The following KIF5B variants were observed in gnomAD, a reference collection of about 807,000 sequenced individuals.
KIF5B encodes kinesin-1 heavy chain.
KIF5B carries 49 observed loss-of-function variants against 132.8 expected under a neutral mutation model. The ratio of observed to expected loss-of-function variants is 0.37; its 90% CI spans 0.29 to 0.47. KIF5B has a LOEUF of 0.47. Among genes scored for constraint, KIF5B ranks in the 20% least tolerant of loss-of-function variants. KIF5B has a pLI of 1.00. For synonymous variants in KIF5B, 355 were observed against 369.4 expected, an observed-to-expected ratio of 0.96 and a Z score of 0.45; for missense variants, 780 against 1,144.0, an observed-to-expected ratio of 0.68 and a Z score of 4.59.
rs749521294 is a variant in KIF5B at position 32,031,217 on chromosome 10, T to C, written c.1437A>G (p.Ala479=). Reference sequence around the variant, plus strand: ...CTTCTTCTTTAGAGGCATCATTTTCTGCTTGAAGGCGATTCAGCTCAGCTT... The same window carrying C: ...CTTCTTCTTTAGAGGCATCATTTTCCGCTTGAAGGCGATTCAGCTCAGCTT... The part of the protein sequence containing the change: ...NMQAELNRLQ[A]ENDASKEEVK... Residue 479 remains alanine (A), a synonymous_variant, in exon 14 of 26, where the codon GCA becomes GCG. Transcript: ENST00000302418. 26 of 1,614,002 alleles carry C rather than the reference T, an allele frequency of 1.6e-5. No individual in the cohort carries two copies. The highest frequency in any genetic ancestry group is 2.0e-5 in the Non-Finnish European group (24 of 1,180,020).
intron 1 of KIF5B, among the ~76,000 whole-genome samples, chr10:32,050,792 A>C (rs1210249087): frequency 6.6e-6 from 1 of 152,208 alleles, no homozygotes; most frequent in African/African-American, 2.4e-5. Context: ...TTAACATTCA[A>C]TTCTACAGGT....
chr10:32,042,383 T>C (rs1475123126), intron 2 of KIF5B, among the ~76,000 whole-genome samples: 2 of 152,200 alleles, frequency 1.3e-5, no homozygotes, highest in Admixed American at 6.5e-5. Context: ...AATTATTTCA[T>C]GTATCACATT....
At position 32,010,194 on chromosome 10, in the gene KIF5B, G is replaced by T. The variant is rs1841056527; in HGVS notation, c.*1343C>A. On this transcript the variant is annotated 3_prime_UTR_variant, in exon 26 of 26. Coordinates refer to ENST00000302418, the MANE Select transcript of KIF5B (RefSeq NM_004521.3). The stretch of plus-strand genomic sequence containing the variant: ...TCTGTGAATTTCTGCTAACACAGTT[G>T]CAGTCACCGCCCCCCTACCACTGAT... The T allele has an allele frequency of 6.6e-6, 1 of 152,006 alleles. No homozygotes were observed. Among genetic ancestry groups the T allele is most frequent in the Non-Finnish European group, 1.5e-5 (1 of 67,970 alleles). 9.4% of individuals were successfully genotyped at this position (152,006 alleles called of 1,614,324 possible).
chr10:32,053,321 T>C (rs962395365), intron 1 of KIF5B, among the ~76,000 whole-genome samples: 20 of 152,000 alleles, frequency 1.3e-4, no homozygotes, highest in Middle Eastern at 3.4e-3. Flanking sequence ...GTCGTTACTA[T>C]ATGCAAGAAA....
At position 32,040,522 on chromosome 10, in the gene KIF5B, T is replaced by TA. The variant is rs1592450793; in HGVS notation, c.215-66dup. ...TAAGCAAGATTCCTAAGAAATTACT[T>TA]AAACTACAGGATGACAGGGTAGAGA... is the stretch of plus-strand genomic sequence containing the variant. On this transcript the variant is annotated intron_variant, in intron 2 of 25. Transcript: ENST00000302418. 47 of 893,674 alleles carry TA rather than the reference T, an allele frequency of 5.3e-5. No individual in the cohort carries two copies. In the East Asian group the frequency reaches 1.1e-3, roughly 20 times the overall value. The allele number at this position is 893,674 out of a possible 1,614,324, so 55.4% of individuals were successfully genotyped here.
At position 32,040,376 on chromosome 10, in the gene KIF5B, A is replaced by T. The variant is rs1174168488; in HGVS notation, c.288+8T>A. The T allele has an allele frequency of 6.5e-7, 1 of 1,544,296 alleles. No homozygotes were observed. Among genetic ancestry groups the T allele is most frequent in the African/African-American group, 1.4e-5 (1 of 73,472 alleles). ...AACCACATCTAAGTACAGATTATAAAACGTTACCTCCATTGTGTGTGTCTT... is the reference window on the plus strand; with the variant it reads ...AACCACATCTAAGTACAGATTATAATACGTTACCTCCATTGTGTGTGTCTT... On this transcript the variant is annotated splice_region_variant and intron_variant, in intron 3 of 25. Coordinates refer to ENST00000302418, the MANE Select transcript of KIF5B (RefSeq NM_004521.3).
In KIF5B at chr10:32,021,126, A is replaced by G. The variant is rs200095666; in HGVS notation, c.2100T>C (p.Ala700=). 403 of 1,613,308 alleles carry G rather than the reference A, an allele frequency of 2.5e-4. No homozygotes were observed. The highest frequency in any genetic ancestry group is 1.5e-3 in the Admixed American group (92 of 60,014). The change falls in exon 19 of 26, where the codon GCT becomes GCC. Residue 700 remains alanine, a synonymous_variant. Coordinates refer to ENST00000302418, the MANE Select transcript of KIF5B (RefSeq NM_004521.3). ...KVQTANEVKQ[A]VEQQIQSHRE... ...TATGGCTCTGGATCTGCTGTTCAAC[A>G]GCTTGCTAAAATTTTGGGGGGGAAA...
At chr10:32,017,033 A>C (rs1841179585) in intron 24 of KIF5B, 110 bp downstream of exon 24, 2 of 876,514 alleles carry the variant, frequency 2.3e-6, no homozygotes, top group Non-Finnish European at 3.7e-6. Context: ...CTAAGTTAGA[A>C]AATAGAGACA....
intron 2 of KIF5B, among the ~76,000 whole-genome samples, chr10:32,041,255 T>A (rs770678146): frequency 1.4e-4 from 22 of 151,796 alleles, no homozygotes; most frequent in Non-Finnish European, 2.6e-4. Flanking sequence ...ACATAAAGGA[T>A]TTATAAAGAC....
At chr10:32,014,292 G>C (rs1841127185) in intron 25 of KIF5B, among the ~76,000 whole-genome samples, 1 of 152,138 alleles carries the variant, frequency 6.6e-6, no homozygotes, top group South Asian at 2.1e-4. Flanking sequence ...TTGGGAGGCT[G>C]AGGCAGGAGA....
chr10:32,009,204 C>G lies in KIF5B; in HGVS notation c.*2333G>C, dbSNP rs904621481. 6.6e-6 allele frequency: 1 copy of G among 152,156 alleles called. No individual in the cohort carries two copies. The highest frequency in any genetic ancestry group is 6.5e-5 in the Admixed American group (1 of 15,280). 9.4% of individuals were successfully genotyped at this position (152,156 alleles called of 1,614,324 possible). ...ACCTCATGTCAAATGGAGTTAAGCA[C>G]AAACTGAGAGTTACGCACAGTAGTT... On this transcript the variant is annotated 3_prime_UTR_variant, in exon 26 of 26. Transcript: ENST00000302418.
intron 24 of KIF5B, 79 bp downstream of exon 24, chr10:32,017,064 A>T: frequency 8.4e-7 from 1 of 1,190,766 alleles, no homozygotes; most frequent in Non-Finnish European, 1.2e-6. Context: ...GACAACACAT[A>T]AAATTCGGAT....
In KIF5B at chr10:32,015,747, A is replaced by C. The variant is rs1274278724; in HGVS notation, c.2762-88T>G. On this transcript the variant is annotated intron_variant, in intron 24 of 25. Coordinates refer to ENST00000302418, the MANE Select transcript of KIF5B (RefSeq NM_004521.3). The stretch of plus-strand genomic sequence containing the variant: ...AAGGTTTCTTCTCTTATTCACAACA[A>C]ATTCCCAAATGTTTTGTTTTTCTTT... 15 of 1,102,588 alleles carry C rather than the reference A, an allele frequency of 1.4e-5. No individual in the cohort carries two copies. In the East Asian group the frequency reaches 4.0e-4, roughly 30 times the overall value. The allele number at this position is 1,102,588 out of a possible 1,614,324, so 68.3% of individuals were successfully genotyped here.
chr10:32,040,210 A>C (rs1183515921), intron 3 of KIF5B, among the ~76,000 whole-genome samples, 174 bp downstream of exon 3: 1 of 152,216 alleles, frequency 6.6e-6, no homozygotes, highest in African/African-American at 2.4e-5. Context: ...ATCCCTTACT[A>C]TTTAAACTCA....
At chr10:32,018,290 C>T (rs1841204328) in intron 22 of KIF5B, 26 bp downstream of exon 22, 3 of 1,489,658 alleles carry the variant, frequency 2.0e-6, no homozygotes, top group Middle Eastern at 1.8e-4. Context: ...TTTATGCAAA[C>T]GCCTACCTCG....
At chr10:32,045,993 C>A (rs1841603308) in intron 2 of KIF5B, among the ~76,000 whole-genome samples, 1 of 152,084 alleles carries the variant, frequency 6.6e-6, no homozygotes, top group South Asian at 2.1e-4. Flanking sequence ...TCATATTTTT[C>A]AAACTTCAAA....
chr10:32,028,355 C>T, intron 15 of KIF5B, 73 bp downstream of exon 15: 6 of 1,212,146 alleles, frequency 4.9e-6, no homozygotes, highest in Non-Finnish European at 7.0e-6. Flanking sequence ...AAGAACTTTA[C>T]AAACTATTAG....
At chr10:32,016,662 C>T (rs2132578428) in intron 24 of KIF5B, among the ~76,000 whole-genome samples, 1 of 152,110 alleles carries the variant, frequency 6.6e-6, no homozygotes, top group East Asian at 2.0e-4. Flanking sequence ...CTGCCTCAGC[C>T]TCCCAAGTTG....
chr10:32,040,982 C>A (rs1841528091), intron 2 of KIF5B, among the ~76,000 whole-genome samples: 2 of 132,426 alleles, frequency 1.5e-5, no homozygotes, highest in Non-Finnish European at 1.6e-5. Context: ...AGTAAGACAC[C>A]ATCTCAAAAA....
Sources: allele counts gnomAD v4.1 joint callset (sites outside exome capture counted in the v4.1 genomes callset), GRCh38; gene constraint gnomAD v4.1.1; transcripts MANE v1.5; gene names NCBI Gene and HGNC (gene_info 2026-07-23, HGNC 2026-07-21).